Variants in GRIK2 observed in about 807,000 individuals in gnomAD.
GRIK2 encodes glutamate receptor ionotropic, kainate 2.
A neutral mutation model predicts 100.3 loss-of-function variants in GRIK2; 32 were observed. The observed-to-expected ratio is 0.32, with a 90% CI of 0.24 to 0.43. The LOEUF (loss-of-function observed/expected upper bound fraction) is 0.43. GRIK2 is among the 20% of genes least tolerant of loss of function. The probability of loss-of-function intolerance (pLI) is 1.00; values close to 1 mark genes in which losing one functional copy is unlikely to be tolerated. For missense variants in GRIK2, 843 were observed against 1,114.9 expected (o/e 0.76, Z 3.47); for synonymous variants, 417 against 389.4 (o/e 1.07, Z -0.83).
chr6:101,429,876 T>C (rs981342210), intron 2 of GRIK2, among the ~76,000 whole-genome samples: 4 of 152,150 alleles, frequency 2.6e-5, no homozygotes, highest in African/African-American at 4.8e-5. Flanking sequence ...CAGGTATTAA[T>C]GCAGACAACT....
intron 12 of GRIK2, among the ~76,000 whole-genome samples, chr6:101,904,346 G>A (rs1788079798): frequency 6.6e-6 from 1 of 151,402 alleles, no homozygotes; most frequent in African/African-American, 2.4e-5. Flanking sequence ...CATAGAACTT[G>A]TGTATAGATA....
intron 7 of GRIK2, among the ~76,000 whole-genome samples, chr6:101,768,819 A>G (rs924171900): frequency 4.6e-5 from 7 of 152,204 alleles, no homozygotes; most frequent in Admixed American, 1.3e-4. Flanking sequence ...TATTGTTTAT[A>G]TCATGAGATT....
chr6:101,485,474 T>C (rs900927919), intron 2 of GRIK2, among the ~76,000 whole-genome samples: 7 of 152,166 alleles, frequency 4.6e-5, no homozygotes, highest in African/African-American at 1.7e-4. Context: ...AACTACTAAA[T>C]CACTAAGTAC....
chr6:101,774,781 C>A (rs1002950304), intron 7 of GRIK2, among the ~76,000 whole-genome samples: 16 of 151,832 alleles, frequency 1.1e-4, no homozygotes, highest in Non-Finnish European at 1.9e-4. Context: ...TTTGTATAAA[C>A]GTTTAAAGGA....
At chr6:102,010,764 A>G (rs1795492980) in intron 14 of GRIK2, among the ~76,000 whole-genome samples, 1 of 151,638 alleles carries the variant, frequency 6.6e-6, no homozygotes, top group Non-Finnish European at 1.5e-5. Context: ...AATATCATAC[A>G]GTTAGAATTA....
chr6:101,584,075 G>A (rs909069628), intron 2 of GRIK2, among the ~76,000 whole-genome samples: 8 of 151,928 alleles, frequency 5.3e-5, no homozygotes, highest in Non-Finnish European at 1.0e-4. Flanking sequence ...CTTGTTTTGT[G>A]TGTATGTACT....
intron 7 of GRIK2, among the ~76,000 whole-genome samples, chr6:101,753,896 TATTA>T (rs1290623122): frequency 2.0e-5 from 3 of 152,102 alleles, no homozygotes; most frequent in Non-Finnish European, 2.9e-5. Flanking sequence ...ATTAAAATTA[TATTA>T]ATTTTTAAGA....
At chr6:101,615,325 A>T (rs1287923280) in intron 2 of GRIK2, among the ~76,000 whole-genome samples, 1 of 151,792 alleles carries the variant, frequency 6.6e-6, no homozygotes, top group Non-Finnish European at 1.5e-5. Flanking sequence ...TTCTTAGATG[A>T]TGTTTTGAAC....
intron 2 of GRIK2, among the ~76,000 whole-genome samples, chr6:101,602,005 G>C (rs1779236271): frequency 6.6e-6 from 1 of 151,678 alleles, no homozygotes; most frequent in Non-Finnish European, 1.5e-5. Context: ...ATCCCTAGGA[G>C]TGATGTTAAA....
At chr6:101,615,265 G>A (rs1044476259) in intron 2 of GRIK2, among the ~76,000 whole-genome samples, 4 of 151,706 alleles carry the variant, frequency 2.6e-5, no homozygotes, top group Non-Finnish European at 5.9e-5. Context: ...AGATATGATG[G>A]CCCTTCCTGA....
chr6:101,911,109 G>A (rs1788659089), intron 12 of GRIK2, among the ~76,000 whole-genome samples: 1 of 151,396 alleles, frequency 6.6e-6, no homozygotes. Context: ...AAACAAGGGA[G>A]AAATGAGCTG....
At chr6:101,551,750 T>C (rs1171800578) in intron 2 of GRIK2, among the ~76,000 whole-genome samples, 1 of 152,194 alleles carries the variant, frequency 6.6e-6, no homozygotes, top group Non-Finnish European at 1.5e-5. Flanking sequence ...ATTATCTTTA[T>C]GCCTATATAT....
At chr6:101,659,033 G>A (rs1769406862) in intron 4 of GRIK2, among the ~76,000 whole-genome samples, 1 of 152,162 alleles carries the variant, frequency 6.6e-6, no homozygotes, top group Admixed American at 6.5e-5. Context: ...AGTTTAATTA[G>A]ATCCCATTTG....
intron 2 of GRIK2, among the ~76,000 whole-genome samples, chr6:101,582,635 A>G (rs948251066): frequency 1.4e-4 from 22 of 152,128 alleles, no homozygotes; most frequent in African/African-American, 5.3e-4. Context: ...AAAGATTTAT[A>G]AGACAAAAAG....
In GRIK2 at chr6:101,907,519, G is replaced by A. The variant is rs527346020; in HGVS notation, c.1749-17082G>A. ...TAGAACTGGAGCCAGATTGGTGACCGCCTGCAGTGCACCACAGTACGAAAG... is the reference window on the plus strand; with the variant it reads ...TAGAACTGGAGCCAGATTGGTGACCACCTGCAGTGCACCACAGTACGAAAG... On this transcript the variant is annotated intron_variant, in intron 12 of 16. Coordinates refer to ENST00000369134, the MANE Select transcript of GRIK2 (RefSeq NM_021956.5). 2.0e-5 allele frequency among the ~76,000 whole-genome samples: 3 copies of A among 151,756 alleles called. No homozygotes were observed. In the Admixed American group the frequency reaches 2.0e-4, roughly 10 times the overall value.
intron 7 of GRIK2, among the ~76,000 whole-genome samples, chr6:101,728,181 A>G (rs1228264807): frequency 6.6e-6 from 1 of 152,104 alleles, no homozygotes; most frequent in Non-Finnish European, 1.5e-5. Flanking sequence ...GGTAATAGCA[A>G]GTATTTAATT....
At chr6:101,416,965 A>G (rs1243099076) in intron 2 of GRIK2, among the ~76,000 whole-genome samples, 2 of 152,198 alleles carry the variant, frequency 1.3e-5, no homozygotes, top group Admixed American at 1.3e-4. Context: ...AAAAATGCCT[A>G]AAGGTGACTG....
At chr6:101,529,647 C>T (rs1775328292) in intron 2 of GRIK2, among the ~76,000 whole-genome samples, 1 of 152,014 alleles carries the variant, frequency 6.6e-6, no homozygotes, top group Non-Finnish European at 1.5e-5. Context: ...ATCGATCCAA[C>T]AACTGTGGAA....
intron 7 of GRIK2, among the ~76,000 whole-genome samples, chr6:101,792,160 C>A (rs1280530049): frequency 6.6e-6 from 1 of 151,352 alleles, no homozygotes; most frequent in African/African-American, 2.4e-5. Flanking sequence ...ACTCTTTATC[C>A]AATTTGCCAG....
Sources: gnomAD v4.1 joint callset for allele counts (sites outside exome capture counted in the v4.1 genomes callset) on GRCh38, gnomAD v4.1.1 for gene constraint, MANE v1.5 for transcripts, NCBI Gene and HGNC (gene_info 2026-07-23, HGNC 2026-07-21) for gene names.